DNAJC17: variants seen among roughly 807,000 people sequenced by gnomAD.
DNAJC17 encodes the protein dnaJ homolog subfamily C member 17.
DNAJC17 carries 35 observed loss-of-function variants against 48.1 expected under a neutral mutation model. The ratio of observed to expected loss-of-function variants is 0.73; its 90% CI spans 0.56 to 0.96. The LOEUF is 0.96. Among genes scored for constraint, DNAJC17 ranks in the 50% least tolerant of loss-of-function variants. The probability of loss-of-function intolerance (pLI) is 0.00; values close to 1 mark genes in which losing one functional copy is unlikely to be tolerated. For synonymous variants in DNAJC17, 117 were observed against 142.7 expected, an observed-to-expected ratio of 0.82 and a Z score of 1.28; for missense variants, 355 against 377.1, an observed-to-expected ratio of 0.94 and a Z score of 0.48.
At position 40,770,780 on chromosome 15, in the gene DNAJC17, C is replaced by T; in HGVS notation, c.793-2718G>A. On this transcript the variant is annotated intron_variant, in intron 10 of 10. Coordinates refer to ENST00000220496, the MANE Select transcript of DNAJC17 (RefSeq NM_018163.3). The surrounding 1 kb of genome is among the most constrained non-coding windows in gnomAD (Gnocchi z 5.0). ...GAGAGAGCTCAAGCTGCCCCAACATCCTGGAGCCCCCACCTGCCTACACAG... is the reference window on the plus strand; with the variant it reads ...GAGAGAGCTCAAGCTGCCCCAACATTCTGGAGCCCCCACCTGCCTACACAG... 2.6e-6 allele frequency: 4 copies of T among 1,547,716 alleles called. No homozygotes were observed. Among genetic ancestry groups the T allele is most frequent in the Non-Finnish European group, 3.5e-6 (4 of 1,146,952 alleles).
intron 4 of DNAJC17, among the ~76,000 whole-genome samples, chr15:40,778,135 T>C (rs113523440): frequency 0.046 from 6,928 of 151,020 alleles, 529 homozygotes; most frequent in African/African-American, 0.16. Flanking sequence ...GAGGCTGCAG[T>C]GAGCCATGAT....
chr15:40,780,281 G>A (rs546210276), intron 1 of DNAJC17: 59 of 587,172 alleles, frequency 1.0e-4, no homozygotes, highest in African/African-American at 8.2e-4. Context: ...ACAGTACCCC[G>A]CTTTCTCGAC....
At position 40,770,504 on chromosome 15, in the gene DNAJC17, C is replaced by G; in HGVS notation, c.793-2442G>C. The G allele has an allele frequency of 2.6e-6, 4 of 1,549,396 alleles. No individual in the cohort carries two copies. Among genetic ancestry groups the G allele is most frequent in the Non-Finnish European group, 3.5e-6 (4 of 1,146,490 alleles). Reference sequence around the variant, plus strand: ...TGGCTCCCCTGGGCCCCATGGAGACCTGGCGGAAAGGCTCCTTCCGCAACG... The same window carrying G: ...TGGCTCCCCTGGGCCCCATGGAGACGTGGCGGAAAGGCTCCTTCCGCAACG... On this transcript the variant is annotated intron_variant, in intron 10 of 10. Coordinates refer to ENST00000220496, the MANE Select transcript of DNAJC17 (RefSeq NM_018163.3). The surrounding 1 kb of genome is among the most constrained non-coding windows in gnomAD (Gnocchi z 5.0).
rs1462179525 is a variant in DNAJC17 at position 40,770,533 on chromosome 15, CCTT to C, written c.793-2474_793-2472del. 9 of 1,550,504 alleles carry C rather than the reference CCTT, an allele frequency of 5.8e-6. No individual in the cohort carries two copies. The African/African-American group carries it at 6.8e-5, about 12-fold the overall frequency. ...CGGAAAGGCTCCTTCCGCAACGCCTCCTTCTTCAAGCAGCTGAGCCTGGGGCGG... is the reference window on the plus strand; with the variant it reads ...CGGAAAGGCTCCTTCCGCAACGCCTCCTTCAAGCAGCTGAGCCTGGGGCGG... On this transcript the variant is annotated intron_variant, in intron 10 of 10. Transcript: ENST00000220496. The surrounding 1 kb of genome is among the most constrained non-coding windows in gnomAD (Gnocchi z 5.0).
chr15:40,780,000 G>A lies in DNAJC17; in HGVS notation c.79-3C>T. 1 of 1,613,822 alleles carries A rather than the reference G, an allele frequency of 6.2e-7. No individual in the cohort carries two copies. The highest frequency in any genetic ancestry group is 8.5e-7 in the Non-Finnish European group (1 of 1,179,898). ...TTCTGCCTATACGCCTTCTTTACCT[G>A]GAAGAGTCAGACAGAAGACATGGCC... On this transcript the variant is annotated splice_polypyrimidine_tract_variant and splice_region_variant and intron_variant, in intron 1 of 10. Coordinates refer to ENST00000220496, the MANE Select transcript of DNAJC17 (RefSeq NM_018163.3).
intron 1 of DNAJC17, among the ~76,000 whole-genome samples, chr15:40,786,528 A>T (rs2141955823): frequency 6.6e-6 from 1 of 152,302 alleles, no homozygotes; most frequent in Admixed American, 6.5e-5. Flanking sequence ...CTGTGTCTGC[A>T]GGTGCTGGGA....
chr15:40,775,004 GAA>G (rs1410356127), intron 8 of DNAJC17, 25 bp downstream of exon 8: 2 of 1,613,458 alleles, frequency 1.2e-6, no homozygotes, highest in African/African-American at 2.7e-5. Context: ...GAGATGATAG[GAA>G]AGAGTGGACG....
chr15:40,783,929 TGAA>T (rs1413940969), intron 1 of DNAJC17, among the ~76,000 whole-genome samples: 9 of 151,978 alleles, frequency 5.9e-5, no homozygotes, highest in African/African-American at 1.4e-4. Context: ...GAAGTGAGTG[TGAA>T]GAAGAAGGAG....
chr15:40,793,687 G>A (rs1190221520), intron 1 of DNAJC17, among the ~76,000 whole-genome samples: 1 of 151,974 alleles, frequency 6.6e-6, no homozygotes, highest in Non-Finnish European at 1.5e-5. Flanking sequence ...AGCTTACAGT[G>A]TAAGGAAGAT....
chr15:40,776,758 C>T (rs927928778), intron 4 of DNAJC17, 131 bp from the exon 5 acceptor site: 6 of 825,460 alleles, frequency 7.3e-6, no homozygotes, highest in South Asian at 3.0e-5. Flanking sequence ...TGCCCCCTCC[C>T]TCCATGCCCA....
intron 1 of DNAJC17, among the ~76,000 whole-genome samples, chr15:40,799,224 CA>C (rs34609538): frequency 0.037 from 1,653 of 44,406 alleles, 3 homozygotes; most frequent in Non-Finnish European, 0.058. Context: ...GACTCCATCT[CA>C]AAAAAAAAAA....
rs771750013 is a variant in DNAJC17 at position 40,807,462 on chromosome 15, G to A, written c.-16C>T. On this transcript the variant is annotated 5_prime_UTR_variant, in exon 1 of 11. Coordinates refer to ENST00000220496, the MANE Select transcript of DNAJC17 (RefSeq NM_018163.3). ...TCACTGCCATGGTTCCGGCCTGACG[G>A]ATTCGTACTACAACTCCCAAGAGTC... 1.2e-6 allele frequency: 2 copies of A among 1,614,156 alleles called. No individual in the cohort carries two copies. The highest frequency in any genetic ancestry group is 1.7e-6 in the Non-Finnish European group (2 of 1,179,974).
chr15:40,775,259 T>C (rs1889287038), intron 7 of DNAJC17, 151 bp from the exon 8 acceptor site: 1 of 909,954 alleles, frequency 1.1e-6, no homozygotes, highest in Non-Finnish European at 1.7e-6. Flanking sequence ...ATTTTCCCCT[T>C]GGGAACTTGA....
chr15:40,772,710 G>A (rs1178289792), intron 10 of DNAJC17, among the ~76,000 whole-genome samples: 1 of 152,218 alleles, frequency 6.6e-6, no homozygotes. Flanking sequence ...CAGGCCCTGG[G>A]CCACTGCAGA....
chr15:40,774,570 C>T, intron 8 of DNAJC17, 134 bp from the exon 9 acceptor site: 3 of 920,068 alleles, frequency 3.3e-6, no homozygotes, highest in Non-Finnish European at 3.4e-6. Context: ...GCCCCACCTA[C>T]TTATCTTAGT....
At position 40,770,679 on chromosome 15, in the gene DNAJC17, C is replaced by A; in HGVS notation, c.793-2617G>T. ...GGAGCTACAAGGGAGGCCAGATGGC[C>A]GGCGCCTGCCACTGTGGGGGGACGA... On this transcript the variant is annotated intron_variant, in intron 10 of 10. Coordinates refer to ENST00000220496, the MANE Select transcript of DNAJC17 (RefSeq NM_018163.3). This position sits in a 1 kb window ranked among gnomAD's most constrained non-coding sequence, Gnocchi z 5.0. The A allele has an allele frequency of 6.5e-7, 1 of 1,548,082 alleles. No homozygotes were observed.
intron 1 of DNAJC17, among the ~76,000 whole-genome samples, chr15:40,785,846 T>C (rs934399621): frequency 6.6e-6 from 1 of 152,202 alleles, no homozygotes; most frequent in African/African-American, 2.4e-5. Context: ...TCTTCCAGAG[T>C]GGCCTTGAAT....
intron 10 of DNAJC17, 65 bp from the exon 11 acceptor site, chr15:40,768,127 G>A (rs1034099360): frequency 8.8e-6 from 13 of 1,474,854 alleles, no homozygotes; most frequent in Non-Finnish European, 1.2e-5. Context: ...CAGACTCCGA[G>A]TACGGTGCCG....
chr15:40,777,133 C>T (rs1389145169), intron 4 of DNAJC17, among the ~76,000 whole-genome samples: 1 of 152,134 alleles, frequency 6.6e-6, no homozygotes, highest in Non-Finnish European at 1.5e-5. Context: ...AGGGCATCAC[C>T]CCGGGTCCTG....
Sources: allele counts gnomAD v4.1 joint callset (sites outside exome capture counted in the v4.1 genomes callset), GRCh38; gene constraint gnomAD v4.1.1; non-coding constraint Gnocchi (gnomAD v3.1); transcripts MANE v1.5; gene names NCBI Gene and HGNC (gene_info 2026-07-23, HGNC 2026-07-21).